Variants in PRR16 observed in about 807,000 individuals in gnomAD.
PRR16 encodes the protein proline rich 16.
Under a neutral mutation model 18.2 loss-of-function variants are expected in PRR16, and 6 were observed. The observed-to-expected ratio is 0.33, with a 90% CI of 0.18 to 0.65. The LOEUF (loss-of-function observed/expected upper bound fraction) is 0.65. Ranked by LOEUF, PRR16 falls within the 30% of genes least tolerant of loss-of-function variation. The pLI is 0.74. For missense variants in PRR16, 412 were observed against 376.6 expected (o/e 1.09, Z -0.78); for synonymous variants, 151 against 147.8 (o/e 1.02, Z -0.16).
At chr5:120,662,736 G>T (rs908804149) in intron 1 of PRR16, among the ~76,000 whole-genome samples, 1 of 152,096 alleles carries the variant, frequency 6.6e-6, no homozygotes, top group East Asian at 1.9e-4. Context: ...TTTCCTTAAC[G>T]TGTTTCTCTC....
At chr5:120,644,782 T>C (rs946699974) in intron 1 of PRR16, among the ~76,000 whole-genome samples, 8 of 152,144 alleles carry the variant, frequency 5.3e-5, no homozygotes, top group African/African-American at 1.9e-4. Context: ...ATATTGCCAT[T>C]GAAGGTATTT....
the PRR16 span, among the ~76,000 whole-genome samples, chr5:120,788,962 T>G: frequency 6.6e-6 from 1 of 152,058 alleles, no homozygotes; most frequent in African/African-American, 2.4e-5. Flanking sequence ...ACTAGTAATT[T>G]TGTCACAGAA....
chr5:120,604,093 G>T (rs943043643), intron 1 of PRR16, among the ~76,000 whole-genome samples: 19 of 146,176 alleles, frequency 1.3e-4, no homozygotes, highest in Admixed American at 1.1e-3. Context: ...CTGAGTTTAG[G>T]TCCCAAATTT....
chr5:120,556,085 A>T lies in PRR16; in HGVS notation c.159+91440A>T, dbSNP rs1752400039. Among the ~76,000 whole-genome samples the T allele has an allele frequency of 2.6e-5, 4 of 151,844 alleles. No individual in the cohort carries two copies. In the South Asian group the frequency reaches 8.3e-4, roughly 31 times the overall value. ...TGCAATTTAAATGGCATAGAATAGAACTATCTCAACTCTCCTTTTTTTTTT... is the reference window on the plus strand; with the variant it reads ...TGCAATTTAAATGGCATAGAATAGATCTATCTCAACTCTCCTTTTTTTTTT... On this transcript the variant is annotated intron_variant, in intron 1 of 1. Coordinates refer to ENST00000407149, the MANE Select transcript of PRR16 (RefSeq NM_001300783.2).
chr5:120,687,915 T>C (rs758191252), downstream of PRR16, among the ~76,000 whole-genome samples: 1 of 152,244 alleles, frequency 6.6e-6, no homozygotes, highest in Non-Finnish European at 1.5e-5. Context: ...ATGAGATATT[T>C]TGTCCTGGAG....
At chr5:120,577,283 T>C (rs1473091294) in intron 1 of PRR16, among the ~76,000 whole-genome samples, 1 of 152,108 alleles carries the variant, frequency 6.6e-6, no homozygotes, top group Non-Finnish European at 1.5e-5. Flanking sequence ...CTTGCAACAT[T>C]TATATTGAGA....
At chr5:120,497,319 T>C (rs1750280973) in intron 1 of PRR16, among the ~76,000 whole-genome samples, 1 of 143,978 alleles carries the variant, frequency 6.9e-6, no homozygotes, top group Non-Finnish European at 1.5e-5. Flanking sequence ...ACTATAATTG[T>C]GTTTTTTTTT....
intron 1 of PRR16, among the ~76,000 whole-genome samples, chr5:120,514,235 A>C (rs1179850663): frequency 6.6e-6 from 1 of 152,172 alleles, no homozygotes; most frequent in African/African-American, 2.4e-5. Flanking sequence ...GCACTCTGGA[A>C]ACCTTGCTCT....
At chr5:120,497,512 C>A (rs1750295314) in intron 1 of PRR16, among the ~76,000 whole-genome samples, 1 of 151,156 alleles carries the variant, frequency 6.6e-6, no homozygotes, top group Non-Finnish European at 1.5e-5. Context: ...GCCTCAGCCT[C>A]CCAAGTAGCT....
chr5:120,484,161 C>G (rs1325924947), intron 1 of PRR16, among the ~76,000 whole-genome samples: 1 of 151,626 alleles, frequency 6.6e-6, no homozygotes, highest in African/African-American at 2.4e-5. Flanking sequence ...TTCTTAACTA[C>G]TCAAGTTATC....
At chr5:120,741,243 T>G in the PRR16 span, among the ~76,000 whole-genome samples, 1 of 152,006 alleles carries the variant, frequency 6.6e-6, no homozygotes, top group African/African-American at 2.4e-5. Flanking sequence ...CTTCATATAT[T>G]TATTTATTTA....
chr5:120,737,878 G>T, the PRR16 span, among the ~76,000 whole-genome samples: 2 of 151,792 alleles, frequency 1.3e-5, no homozygotes, highest in Non-Finnish European at 2.9e-5. Context: ...ATCCATTTTT[G>T]CTAGGTTATT....
the PRR16 span, among the ~76,000 whole-genome samples, chr5:120,791,240 T>C: frequency 8.5e-4 from 129 of 152,248 alleles, 1 homozygote; most frequent in African/African-American, 3.0e-3. Flanking sequence ...GGCAAGCTTT[T>C]GTCATATTAA....
chr5:120,604,951 C>T (rs1014369056), intron 1 of PRR16, among the ~76,000 whole-genome samples: 6 of 152,222 alleles, frequency 3.9e-5, no homozygotes, highest in Middle Eastern at 3.4e-3. Flanking sequence ...CCTTCTCTGT[C>T]GCTGCCTTTA....
chr5:120,496,312 C>T lies in PRR16; in HGVS notation c.159+31667C>T, dbSNP rs186529309. Among the ~76,000 whole-genome samples the T allele has an allele frequency of 3.1e-3, 465 of 152,062 alleles. 2 individuals are homozygous for T. The highest frequency in any genetic ancestry group is 0.01 in the African/African-American group (436 of 41,530). On this transcript the variant is annotated intron_variant, in intron 1 of 1. Transcript: ENST00000407149. ...TCTTCTATGAATGTTTAGTAGAATT[C>T]CCCAGTGAAACCCTCTGGAACTGCA... is the stretch of plus-strand genomic sequence containing the variant.
intron 1 of PRR16, chr5:120,617,188 A>G: frequency 1.0e-6 from 1 of 985,192 alleles, no homozygotes; most frequent in Non-Finnish European, 1.2e-6. Context: ...GAAATGCCCA[A>G]GAAGGTCAGC....
chr5:120,678,576 T>G (rs1012312666), intron 1 of PRR16, among the ~76,000 whole-genome samples: 1 of 152,138 alleles, frequency 6.6e-6, no homozygotes, highest in Admixed American at 6.6e-5. Flanking sequence ...TTAAGGCAAT[T>G]GTAGTAATAA....
chr5:120,543,596 A>G (rs1751983529), intron 1 of PRR16, among the ~76,000 whole-genome samples: 1 of 152,182 alleles, frequency 6.6e-6, no homozygotes, highest in Non-Finnish European at 1.5e-5. Context: ...TGTGAACAAA[A>G]TATGATGTCG....
intron 1 of PRR16, among the ~76,000 whole-genome samples, chr5:120,625,577 A>G (rs1580801854): frequency 6.6e-6 from 1 of 152,140 alleles, no homozygotes; most frequent in African/African-American, 2.4e-5. Flanking sequence ...GACTCAAGCT[A>G]TCCTCTTGCC....
Sources: allele counts gnomAD v4.1 joint callset (sites outside exome capture counted in the v4.1 genomes callset), GRCh38; gene constraint gnomAD v4.1.1; transcripts MANE v1.5; gene names NCBI Gene and HGNC (gene_info 2026-07-23, HGNC 2026-07-21).